RAB11FIP4: variants seen among roughly 807,000 people sequenced by gnomAD.
RAB11FIP4 encodes rab11 family-interacting protein 4.
In RAB11FIP4, 23 loss-of-function variants were observed where a neutral mutation model predicts 74.3. That is an observed-to-expected ratio of 0.31 (90% CI 0.22 to 0.44). The LOEUF is 0.44. Among genes scored for constraint, RAB11FIP4 ranks in the 20% least tolerant of loss-of-function variants. RAB11FIP4 has a pLI of 1.00. For synonymous variants in RAB11FIP4, 360 were observed against 359.9 expected, an observed-to-expected ratio of 1.00 and a Z score of 0.00; for missense variants, 630 against 863.9, an observed-to-expected ratio of 0.73 and a Z score of 3.39.
chr17:31,483,709 G>T (rs763115955), intron 3 of RAB11FIP4, among the ~76,000 whole-genome samples: 1 of 152,068 alleles, frequency 6.6e-6, no homozygotes, highest in African/African-American at 2.4e-5. Flanking sequence ...TTGTTCACTT[G>T]GCTAATATTG....
chr17:31,473,458 C>CT (rs2071759876), intron 3 of RAB11FIP4, among the ~76,000 whole-genome samples: 1 of 152,014 alleles, frequency 6.6e-6, no homozygotes, highest in Non-Finnish European at 1.5e-5. Flanking sequence ...GGGAGCATCA[C>CT]TGCAGCCCAG....
chr17:31,444,994 G>A (rs2071438042), intron 3 of RAB11FIP4, among the ~76,000 whole-genome samples: 1 of 152,158 alleles, frequency 6.6e-6, no homozygotes, highest in Non-Finnish European at 1.5e-5. Context: ...CTCCGAGAAA[G>A]CACGGTCGAA....
chr17:31,484,902 TGAG>T lies in RAB11FIP4; in HGVS notation c.337-32746_337-32744del, dbSNP rs1257849219. Among the ~76,000 whole-genome samples the T allele has an allele frequency of 2.0e-5, 3 of 152,224 alleles. No homozygotes were observed. In the East Asian group the frequency reaches 5.8e-4, roughly 29 times the overall value. ...ACTATTATTATCTCCAATTTAAAGATGAGGAAATTGAGACACTGGGACTTAAAC... is the reference window on the plus strand; with the variant it reads ...ACTATTATTATCTCCAATTTAAAGATGAAATTGAGACACTGGGACTTAAAC... On this transcript the variant is annotated intron_variant, in intron 3 of 14. Transcript: ENST00000621161.
intron 3 of RAB11FIP4, among the ~76,000 whole-genome samples, chr17:31,476,367 T>G (rs1166371370): frequency 6.6e-6 from 1 of 152,044 alleles, no homozygotes; most frequent in Non-Finnish European, 1.5e-5. Flanking sequence ...GTATTTTTAG[T>G]AGAGACGGGA....
At chr17:31,464,344 T>A (rs1238970976) in intron 3 of RAB11FIP4, among the ~76,000 whole-genome samples, 2 of 152,094 alleles carry the variant, frequency 1.3e-5, no homozygotes, top group African/African-American at 4.8e-5. Context: ...GTTATTTTAT[T>A]TTTATTCCTC....
intron 1 of RAB11FIP4, among the ~76,000 whole-genome samples, chr17:31,403,070 C>T (rs1191722346): frequency 2.0e-5 from 3 of 151,958 alleles, no homozygotes; most frequent in Non-Finnish European, 2.9e-5. Flanking sequence ...AGCATGGTGG[C>T]TATTGCATCA....
At chr17:31,482,151 G>A (rs540220958) in intron 3 of RAB11FIP4, among the ~76,000 whole-genome samples, 147 of 152,312 alleles carry the variant, frequency 9.7e-4, no homozygotes, top group Non-Finnish European at 1.2e-3. Flanking sequence ...CAGAACCCAG[G>A]CCTCCTGCAT....
At chr17:31,490,219 C>T (rs1309897268) in intron 3 of RAB11FIP4, among the ~76,000 whole-genome samples, 2 of 152,142 alleles carry the variant, frequency 1.3e-5, no homozygotes, top group Non-Finnish European at 2.9e-5. Flanking sequence ...CCTTCCCCTC[C>T]TGGTAGGCAG....
chr17:31,443,433 T>C (rs2071423502), intron 3 of RAB11FIP4, among the ~76,000 whole-genome samples: 1 of 152,252 alleles, frequency 6.6e-6, no homozygotes, highest in Non-Finnish European at 1.5e-5. Context: ...CCCAAGATTG[T>C]GAAACTGTTC....
At chr17:31,453,035 C>T (rs2071540706) in intron 3 of RAB11FIP4, among the ~76,000 whole-genome samples, 1 of 152,040 alleles carries the variant, frequency 6.6e-6, no homozygotes, top group South Asian at 2.1e-4. Context: ...CTGACTGGCC[C>T]TGGGGGCAAA....
intron 3 of RAB11FIP4, among the ~76,000 whole-genome samples, chr17:31,453,436 T>C (rs2142706380): frequency 6.7e-6 from 1 of 150,318 alleles, no homozygotes; most frequent in East Asian, 2.0e-4. Flanking sequence ...GTTTGAATCC[T>C]GATGCTGTCA....
chr17:31,531,758 CTT>C lies in RAB11FIP4; in HGVS notation c.*27_*28del. On this transcript the variant is annotated 3_prime_UTR_variant, in exon 15 of 15. Transcript: ENST00000621161. ...GGCACGGGGCTGGCTGCAGAGCAGCCTTAGGACCCTGGGACCAAGGGCAGACC... is the reference window on the plus strand; with the variant it reads ...GGCACGGGGCTGGCTGCAGAGCAGCCAGGACCCTGGGACCAAGGGCAGACC... 3.3e-6 allele frequency: 5 copies of C among 1,519,152 alleles called. No homozygotes were observed. Among genetic ancestry groups the C allele is most frequent in the South Asian group, 1.1e-5 (1 of 89,100 alleles). The allele number at this position is 1,519,152 out of a possible 1,614,324, so 94.1% of individuals were successfully genotyped here.
At position 31,391,806 on chromosome 17, in the gene RAB11FIP4, C is replaced by T. The variant is rs1034459909; in HGVS notation, c.-47C>T. On this transcript the variant is annotated 5_prime_UTR_variant, in exon 1 of 15. Transcript: ENST00000621161. Reference sequence around the variant, plus strand: ...GGCGATGGCGGCGGCGGGCAGGCGGCGGGCGCGGCGGGCGAGGGGTCCGGG... The same window carrying T: ...GGCGATGGCGGCGGCGGGCAGGCGGTGGGCGCGGCGGGCGAGGGGTCCGGG... The T allele has an allele frequency of 1.1e-5, 11 of 978,774 alleles. No homozygotes were observed. The South Asian group carries it at 5.0e-4, about 44-fold the overall frequency. The allele number at this position is 978,774 out of a possible 1,614,324, so 60.6% of individuals were successfully genotyped here. A position where few individuals can be genotyped will look rare whatever the true frequency, so the allele number is the denominator to read the frequency against.
chr17:31,508,201 G>A (rs1417355688), intron 3 of RAB11FIP4, among the ~76,000 whole-genome samples: 2 of 152,168 alleles, frequency 1.3e-5, no homozygotes, highest in African/African-American at 2.4e-5. Flanking sequence ...AGAGAGGAGT[G>A]AGAGCGTCTC....
intron 13 of RAB11FIP4, 115 bp downstream of exon 13, chr17:31,528,893 G>T: frequency 8.3e-7 from 1 of 1,204,746 alleles, no homozygotes. Flanking sequence ...CTGCCTGTCT[G>T]CTTCTCAGCA....
chr17:31,414,191 C>T (rs994146599), intron 1 of RAB11FIP4, among the ~76,000 whole-genome samples: 2 of 152,212 alleles, frequency 1.3e-5, no homozygotes, highest in African/African-American at 2.4e-5. Context: ...ATGTCTGCCT[C>T]CAGAGGCTGG....
At chr17:31,485,563 G>A (rs2071892634) in intron 3 of RAB11FIP4, among the ~76,000 whole-genome samples, 1 of 152,088 alleles carries the variant, frequency 6.6e-6, no homozygotes, top group Non-Finnish European at 1.5e-5. Context: ...GGGCAACATC[G>A]GACTTGGAAG....
intron 3 of RAB11FIP4, among the ~76,000 whole-genome samples, chr17:31,470,160 A>G (rs178891): frequency 0.83 from 125,556 of 152,070 alleles, 52,263 homozygotes; most frequent in African/African-American, 0.93. Flanking sequence ...CCCATCCCAC[A>G]TCCTCTGCCT....
chr17:31,440,551 C>A (rs543018821), intron 3 of RAB11FIP4, among the ~76,000 whole-genome samples: 139 of 152,238 alleles, frequency 9.1e-4, no homozygotes, highest in Non-Finnish European at 1.8e-3. Context: ...GGTGGATCAC[C>A]CGAGGTCAGG....
Sources: gnomAD v4.1 joint callset for allele counts (sites outside exome capture counted in the v4.1 genomes callset) on GRCh38, gnomAD v4.1.1 for gene constraint, MANE v1.5 for transcripts, NCBI Gene and HGNC (gene_info 2026-07-23, HGNC 2026-07-21) for gene names.